The following GLB1 variants were observed in gnomAD, a reference collection of about 807,000 sequenced individuals.
The protein encoded by GLB1 is galactosidase beta 1.
In GLB1, 56 loss-of-function variants were observed where a neutral mutation model predicts 74.0. The observed-to-expected ratio is 0.76, with a 90% CI of 0.61 to 0.94. The LOEUF is 0.94. Among genes scored for constraint, GLB1 ranks in the 40% least tolerant of loss-of-function variants. The pLI is 0.00. For synonymous variants in GLB1, 323 were observed against 323.6 expected, an observed-to-expected ratio of 1.00 and a Z score of 0.02; for missense variants, 787 against 845.5, an observed-to-expected ratio of 0.93 and a Z score of 0.86.
chr3:33,017,608 C>T (rs972530505), intron 13 of GLB1, among the ~76,000 whole-genome samples: 15 of 152,166 alleles, frequency 9.9e-5, no homozygotes, highest in Non-Finnish European at 1.8e-4. Context: ...GTGACCATTT[C>T]GGTGAGAGGA....
rs769779575 is a variant in GLB1 at position 33,051,794 on chromosome 3, T to C, written c.919A>G (p.Met307Val). The C allele has an allele frequency of 1.9e-6, 3 of 1,614,074 alleles. No homozygotes were observed. Among genetic ancestry groups the C allele is most frequent in the South Asian group, 2.2e-5 (2 of 91,096 alleles). ...GCAAAATTGGTCCCACCTATAAACA[T>C]GTACCTACAAGGAAACAAAAGAACA... ...LARGASVNLY[M>V]FIGGTNFAYW... The change falls in exon 9 of 16, where the codon ATG (methionine) becomes GTG (valine). Residue 307 changes from methionine to valine, a missense_variant. Coordinates refer to ENST00000307363, the MANE Select transcript of GLB1 (RefSeq NM_000404.4).
the GLB1 span, among the ~76,000 whole-genome samples, chr3:32,989,071 T>C: frequency 5.9e-5 from 9 of 152,288 alleles, no homozygotes; most frequent in African/African-American, 2.2e-4. Context: ...GTTTCTTGAG[T>C]ATTTTACCAT....
the GLB1 span, among the ~76,000 whole-genome samples, chr3:32,966,851 C>T: frequency 4.4e-4 from 67 of 152,212 alleles, 1 homozygote; most frequent in South Asian, 2.1e-4. Context: ...CCCCTGCATA[C>T]GCTGTCTTGC....
At chr3:32,971,213 T>C in the GLB1 span, among the ~76,000 whole-genome samples, 13,585 of 152,234 alleles carry the variant, frequency 0.089, 1,077 homozygotes, top group East Asian at 0.32. Flanking sequence ...CCTTTAGATA[T>C]TACTATCTTA....
chr3:33,077,212 T>C (rs1049406905), intron 1 of GLB1: 5 of 1,527,010 alleles, frequency 3.3e-6, no homozygotes, highest in Admixed American at 3.7e-5. Context: ...CCGTGGCAGA[T>C]GAAAAGCCCA....
the GLB1 span, among the ~76,000 whole-genome samples, chr3:32,981,132 G>A: frequency 0.097 from 13,898 of 143,254 alleles, 779 homozygotes; most frequent in African/African-American, 0.16. Context: ...TGGGCCCAGC[G>A]TGGTGGCTCA....
At chr3:32,970,916 A>G in the GLB1 span, among the ~76,000 whole-genome samples, 1 of 152,134 alleles carries the variant, frequency 6.6e-6, no homozygotes, top group Non-Finnish European at 1.5e-5. Flanking sequence ...GCTCAAACCA[A>G]ATAATCCCCT....
rs113049471 is a variant in GLB1 at position 33,008,865 on chromosome 3, A to C, written c.1734+5191T>G. 2.8e-3 allele frequency among the ~76,000 whole-genome samples: 420 copies of C among 152,308 alleles called. 2 individuals are homozygous for C. The highest frequency in any genetic ancestry group is 9.7e-3 in the African/African-American group (402 of 41,566). ...CCGGGCGCAGTGGTTCACGCCTGTAATCCCAGCACTCTGGGAGGCCGAGGC... is the reference window on the plus strand; with the variant it reads ...CCGGGCGCAGTGGTTCACGCCTGTACTCCCAGCACTCTGGGAGGCCGAGGC... On this transcript the variant is annotated intron_variant, in intron 15 of 15. Transcript: ENST00000307363.
At chr3:33,006,349 A>G (rs1696788140) in intron 15 of GLB1, among the ~76,000 whole-genome samples, 1 of 152,126 alleles carries the variant, frequency 6.6e-6, no homozygotes, top group South Asian at 2.1e-4. Context: ...TAGGCTGTGC[A>G]CTCCTTATGA....
intron 1 of GLB1, among the ~76,000 whole-genome samples, chr3:33,075,182 G>A (rs1033887955): frequency 3.3e-5 from 5 of 152,210 alleles, no homozygotes; most frequent in African/African-American, 4.8e-5. Flanking sequence ...ACATGGCTAA[G>A]TGTCAAATAA....
At chr3:33,084,778 T>A (rs1700443961) in intron 1 of GLB1, among the ~76,000 whole-genome samples, 1 of 152,180 alleles carries the variant, frequency 6.6e-6, no homozygotes, top group Admixed American at 6.5e-5. Context: ...AGATCTAACT[T>A]TCCACACTAC....
Position 33,000,708 on chromosome 3 carries a change from T to C in GLB1, c.1735-3364A>G, listed in dbSNP as rs546577901. Among the ~76,000 whole-genome samples the C allele has an allele frequency of 2.4e-4, 36 of 152,134 alleles. No individual in the cohort carries two copies. The East Asian group carries it at 6.0e-3, about 25-fold the overall frequency. On this transcript the variant is annotated intron_variant, in intron 15 of 15. Coordinates refer to ENST00000307363, the MANE Select transcript of GLB1 (RefSeq NM_000404.4). ...CACCACTGCACTCCAGCCTGGGTGA[T>C]AGAGCAAGACTCAGTTAAAAAAAAC... is the stretch of plus-strand genomic sequence containing the variant.
chr3:32,966,743 G>A, the GLB1 span, among the ~76,000 whole-genome samples: 60,463 of 152,070 alleles, frequency 0.4, 13,061 homozygotes, highest in East Asian at 0.51. Flanking sequence ...GGAGGGACCC[G>A]GTGGGAGGTA....
At chr3:33,090,798 G>A (rs1700724998) in intron 1 of GLB1, 2 of 985,332 alleles carry the variant, frequency 2.0e-6, no homozygotes, top group Non-Finnish European at 2.4e-6. Flanking sequence ...AGATACATAG[G>A]ATGGACCTGT....
chr3:32,979,475 G>A, the GLB1 span, among the ~76,000 whole-genome samples: 1 of 145,700 alleles, frequency 6.9e-6, no homozygotes, highest in South Asian at 2.2e-4. Flanking sequence ...TGTATTACAT[G>A]TATTTCTTTC....
intron 1 of GLB1, chr3:33,090,746 G>A: frequency 1.0e-6 from 1 of 985,310 alleles, no homozygotes; most frequent in African/African-American, 1.7e-5. Context: ...GCCGCGTCAG[G>A]GAATACAAAC....
chr3:33,087,385 C>T (rs900121446), intron 1 of GLB1, among the ~76,000 whole-genome samples: 124 of 152,244 alleles, frequency 8.1e-4, no homozygotes, highest in African/African-American at 2.9e-3. Flanking sequence ...GCCTGGCCAA[C>T]ATGGTGAAAC....
In GLB1 at chr3:33,054,030, T is replaced by TAA. The variant is rs61468932; in HGVS notation, c.734-483_734-482dup. Among the ~76,000 whole-genome samples, 400 of 151,014 alleles carry TAA rather than the reference T, an allele frequency of 2.6e-3. 5 individuals carry two copies. Among genetic ancestry groups the TAA allele is most frequent in the African/African-American group, 8.4e-3 (344 of 41,076 alleles). ...TCCATCTCAAAAATATTTTTTTTAT[T>TAA]AAAAAAAATAATAATAATAAATAAA... On this transcript the variant is annotated intron_variant, in intron 6 of 15. Transcript: ENST00000307363.
intron 1 of GLB1, chr3:33,090,302 G>T: frequency 1.4e-6 from 1 of 720,848 alleles, no homozygotes; most frequent in Non-Finnish European, 1.7e-6. Flanking sequence ...GGCAGGGGTA[G>T]CTGAGAAAGG....
Sources: gnomAD v4.1 joint callset for allele counts (sites outside exome capture counted in the v4.1 genomes callset) on GRCh38, gnomAD v4.1.1 for gene constraint, MANE v1.5 for transcripts, NCBI Gene and HGNC (gene_info 2026-07-23, HGNC 2026-07-21) for gene names.